Variants in JAM2 observed in about 807,000 individuals in gnomAD.
The protein encoded by JAM2 is junctional adhesion molecule 2.
Under a neutral mutation model 42.0 loss-of-function variants are expected in JAM2, and 17 were observed. The observed-to-expected ratio is 0.40, with a 90% CI of 0.28 to 0.61. The LOEUF (loss-of-function observed/expected upper bound fraction) is 0.61. Ranked by LOEUF, JAM2 falls within the 20% of genes least tolerant of loss-of-function variation. The probability of loss-of-function intolerance (pLI) is 0.37; values close to 1 mark genes in which losing one functional copy is unlikely to be tolerated. For synonymous variants in JAM2, 118 were observed against 128.6 expected (o/e 0.92, Z 0.56); for missense variants, 319 against 358.3 (o/e 0.89, Z 0.89).
chr21:25,698,495 T>C (rs2123398452), intron 4 of JAM2, among the ~76,000 whole-genome samples, 182 bp from the exon 5 acceptor site: 1 of 152,294 alleles, frequency 6.6e-6, no homozygotes, highest in East Asian at 1.9e-4. Context: ...TGTGTGCCCA[T>C]GAAGAAAGAA....
chr21:25,640,035 G>C, intron 1 of JAM2, 147 bp downstream of exon 1: 1 of 543,842 alleles, frequency 1.8e-6, no homozygotes, highest in East Asian at 3.4e-5. Context: ...AGGCGAGCGG[G>C]AAACCCAGGG....
chr21:25,706,151 A>T, intron 7 of JAM2, 65 bp downstream of exon 7: 1 of 1,004,348 alleles, frequency 1.0e-6, no homozygotes, highest in Non-Finnish European at 1.6e-6. Flanking sequence ...TTTATGAGAT[A>T]CTGTTTCTCC....
At chr21:25,655,959 A>G (rs1277666611) in intron 1 of JAM2, among the ~76,000 whole-genome samples, 3 of 151,822 alleles carry the variant, frequency 2.0e-5, no homozygotes, top group Non-Finnish European at 4.4e-5. Flanking sequence ...AAGAAAACCA[A>G]TTCAACCCTG....
rs576999787 is a variant in JAM2 at position 25,696,203 on chromosome 21, T to C, written c.394+2295T>C. On this transcript the variant is annotated intron_variant, in intron 4 of 9. Coordinates refer to ENST00000480456, the MANE Select transcript of JAM2 (RefSeq NM_021219.4). ...GAGCTGGAGACCAGCCTGGCCAACA[T>C]AGCGAAACCCCGTCTCCACCAAAAA... Among the ~76,000 whole-genome samples, 329 of 152,012 alleles carry C rather than the reference T, an allele frequency of 2.2e-3. 2 individuals are homozygous for C. Among genetic ancestry groups the C allele is most frequent in the African/African-American group, 7.3e-3 (302 of 41,462 alleles).
chr21:25,704,665 T>C (rs1011702270), intron 6 of JAM2, among the ~76,000 whole-genome samples: 1 of 152,228 alleles, frequency 6.6e-6, no homozygotes, highest in South Asian at 2.1e-4. Context: ...GGGAAGTATC[T>C]AAATGGCAGA....
chr21:25,715,085 A>G lies in JAM2; in HGVS notation c.*413A>G. 1 of 154,572 alleles carries G rather than the reference A, an allele frequency of 6.5e-6. No individual in the cohort carries two copies. Among genetic ancestry groups the G allele is most frequent in the Non-Finnish European group, 1.4e-5 (1 of 69,714 alleles). 9.6% of individuals were successfully genotyped at this position (154,572 alleles called of 1,614,324 possible). The stretch of plus-strand genomic sequence containing the variant: ...CAACAAATACTCTGACAGATGCAAA[A>G]GGAACCTCTGGTCTCATTTCTGCCA... On this transcript the variant is annotated 3_prime_UTR_variant, in exon 10 of 10. Coordinates refer to ENST00000480456, the MANE Select transcript of JAM2 (RefSeq NM_021219.4).
chr21:25,691,658 T>C (rs1219131361), intron 3 of JAM2, among the ~76,000 whole-genome samples: 2 of 152,220 alleles, frequency 1.3e-5, no homozygotes, highest in African/African-American at 4.8e-5. Context: ...CCAGACTCCC[T>C]GGTTTTCTGA....
At position 25,675,606 on chromosome 21, in the gene JAM2, AGGAG is replaced by A. The variant is rs926244400; in HGVS notation, c.68-8261_68-8258del. On this transcript the variant is annotated intron_variant, in intron 1 of 9. Transcript: ENST00000480456. ...AAGGAAGGAAGGAAAGAAGGAAGGA[AGGAG>A]GGAGGGAGGGAGGGAAGGAGGGAAA... is the stretch of plus-strand genomic sequence containing the variant. 1.2e-4 allele frequency among the ~76,000 whole-genome samples: 15 copies of A among 126,846 alleles called. No individual in the cohort carries two copies. The East Asian group carries it at 1.9e-3, about 16-fold the overall frequency. The allele number at this position is 126,846 out of a possible 152,430, so 83.2% of individuals were successfully genotyped here. A position where few individuals can be genotyped will look rare whatever the true frequency, so the allele number is the denominator to read the frequency against.
chr21:25,653,247 AC>A (rs1391903185), intron 1 of JAM2, among the ~76,000 whole-genome samples: 2 of 152,222 alleles, frequency 1.3e-5, no homozygotes, highest in Non-Finnish European at 2.9e-5. Flanking sequence ...AAACTATTCT[AC>A]AACCCCTTGA....
intron 9 of JAM2, among the ~76,000 whole-genome samples, chr21:25,712,720 T>TA (rs1568922536): frequency 6.6e-6 from 1 of 152,230 alleles, no homozygotes; most frequent in Non-Finnish European, 1.5e-5. Flanking sequence ...CACAGGTTCT[T>TA]ACAGGGTAAC....
chr21:25,664,599 C>T (rs923548642), intron 1 of JAM2, among the ~76,000 whole-genome samples: 1 of 152,236 alleles, frequency 6.6e-6, no homozygotes, highest in African/African-American at 2.4e-5. Flanking sequence ...TGTTGACACT[C>T]CCTCTTTGAA....
At chr21:25,702,392 A>G (rs1220510780) in intron 6 of JAM2, 123 bp downstream of exon 6, 1 of 511,138 alleles carries the variant, frequency 2.0e-6, no homozygotes, top group Non-Finnish European at 3.5e-6. Context: ...ACAGGAGAGA[A>G]TGACTAAAAT....
intron 4 of JAM2, among the ~76,000 whole-genome samples, chr21:25,694,763 C>T (rs1474583292): frequency 2.0e-5 from 3 of 151,788 alleles, no homozygotes; most frequent in Non-Finnish European, 4.4e-5. Context: ...TTACTTGAGC[C>T]CAGGAGTTCA....
At position 25,715,384 on chromosome 21, in the gene JAM2, C is replaced by T. The variant is rs2034459295; in HGVS notation, c.*712C>T. 6.6e-6 allele frequency: 1 copy of T among 152,156 alleles called. No homozygotes were observed. Among genetic ancestry groups the T allele is most frequent in the Admixed American group, 6.5e-5 (1 of 15,276 alleles). The allele number at this position is 152,156 out of a possible 1,614,324, so 9.4% of individuals were successfully genotyped here. A position where few individuals can be genotyped will look rare whatever the true frequency, so the allele number is the denominator to read the frequency against. ...CACAAACCCAAGTGGCTTATTTCAC[C>T]CCTACTGCTGCTTGCCACTGCTTCC... is the stretch of plus-strand genomic sequence containing the variant. On this transcript the variant is annotated 3_prime_UTR_variant, in exon 10 of 10. Transcript: ENST00000480456.
chr21:25,696,194 T>C (rs1265382904), intron 4 of JAM2, among the ~76,000 whole-genome samples: 5 of 152,172 alleles, frequency 3.3e-5, no homozygotes, highest in Non-Finnish European at 7.3e-5. Context: ...GAGACCAGCC[T>C]GGCCAACATA....
At chr21:25,696,036 C>A (rs1246136208) in intron 4 of JAM2, among the ~76,000 whole-genome samples, 1 of 152,132 alleles carries the variant, frequency 6.6e-6, no homozygotes, top group African/African-American at 2.4e-5. Context: ...CCAAGGCAGG[C>A]GGCTGGGAGG....
intron 5 of JAM2, among the ~76,000 whole-genome samples, chr21:25,700,315 T>C (rs1163760303): frequency 7.5e-6 from 1 of 133,626 alleles, no homozygotes; most frequent in Non-Finnish European, 1.5e-5. Context: ...ACAGCGATTA[T>C]CAAAAAAAAA....
intron 1 of JAM2, among the ~76,000 whole-genome samples, chr21:25,662,416 C>G (rs1219208657): frequency 7.9e-6 from 1 of 126,814 alleles, no homozygotes; most frequent in Admixed American, 8.8e-5. Context: ...TCCCAGAGTG[C>G]TAGGATTACA....
intron 2 of JAM2, among the ~76,000 whole-genome samples, chr21:25,686,070 C>G (rs1214480534): frequency 7.2e-5 from 11 of 152,222 alleles, no homozygotes. Context: ...TGGCATTTGA[C>G]ACATTCACAG....
Sources: allele counts gnomAD v4.1 joint callset (sites outside exome capture counted in the v4.1 genomes callset), GRCh38; gene constraint gnomAD v4.1.1; transcripts MANE v1.5; gene names NCBI Gene and HGNC (gene_info 2026-07-23, HGNC 2026-07-21).